TBC1D12: variants seen among roughly 807,000 people sequenced by gnomAD.
TBC1D12 encodes TBC1 domain family, member 12.
In TBC1D12, 56 loss-of-function variants were observed where a neutral mutation model predicts 86.7. The observed-to-expected ratio is 0.65, with a 90% confidence interval of 0.52 to 0.81. TBC1D12 has a LOEUF of 0.81. TBC1D12 is among the 30% of genes least tolerant of loss of function. The pLI is 0.00. For synonymous variants in TBC1D12, 421 were observed against 411.7 expected (o/e 1.02, Z -0.27); for missense variants, 1,023 against 1,038.8 (o/e 0.98, Z 0.21).
At chr10:94,506,902 C>G (rs2056467015) in intron 6 of TBC1D12, among the ~76,000 whole-genome samples, 1 of 152,112 alleles carries the variant, frequency 6.6e-6, no homozygotes. Flanking sequence ...TCCAGGGTAG[C>G]TAAATAACTT....
intron 9 of TBC1D12, among the ~76,000 whole-genome samples, chr10:94,513,179 G>A (rs1430701294): frequency 6.6e-6 from 1 of 151,622 alleles, no homozygotes; most frequent in Non-Finnish European, 1.5e-5. Flanking sequence ...TCTGGGAGGC[G>A]GAGGTTGCAG....
chr10:94,403,222 C>T lies in TBC1D12; in HGVS notation c.609C>T (p.Cys203=), dbSNP rs538454677. ...TTGAGGACCCGCTGCGGAGCTGCTG[C>T]CTGGTGGCCGCGGACGCCCAGGAGC... ...SPLEDPLRSC[C]LVAADAQEPE... The change falls in exon 1 of 13, where the codon TGC becomes TGT. Residue 203 remains cysteine, a synonymous_variant. Coordinates refer to ENST00000225235, the MANE Select transcript of TBC1D12 (RefSeq NM_015188.2). 2.3e-3 allele frequency: 3,405 copies of T among 1,507,362 alleles called. 89 individuals are homozygous for T. The highest frequency in any genetic ancestry group is 1.8e-3 in the East Asian group (62 of 35,176). The allele number at this position is 1,507,362 out of a possible 1,614,324, so 93.4% of individuals were successfully genotyped here. A position where few individuals can be genotyped will look rare whatever the true frequency, so the allele number is the denominator to read the frequency against.
At chr10:94,422,254 A>G (rs1438317497) in intron 1 of TBC1D12, among the ~76,000 whole-genome samples, 1 of 136,732 alleles carries the variant, frequency 7.3e-6, no homozygotes, top group African/African-American at 2.8e-5. Flanking sequence ...CAGTGTCGCG[A>G]TCTCAGCTAA....
At chr10:94,458,872 T>C (rs2055673064) in intron 2 of TBC1D12, among the ~76,000 whole-genome samples, 1 of 152,144 alleles carries the variant, frequency 6.6e-6, no homozygotes, top group African/African-American at 2.4e-5. Flanking sequence ...CTGCAGACCT[T>C]TGCAGTGAGT....
rs774811733 is a variant in TBC1D12 at position 94,530,080 on chromosome 10, T to C, written c.2001-1122T>C. ...ATAAGTGGCAGTGCAAAAGGATTTT[T>C]TTAAAAATTATTTTGGCGAGGAAGC... is the stretch of plus-strand genomic sequence containing the variant. On this transcript the variant is annotated intron_variant, in intron 11 of 12. Coordinates refer to ENST00000225235, the MANE Select transcript of TBC1D12 (RefSeq NM_015188.2). Among the ~76,000 whole-genome samples the C allele has an allele frequency of 2.0e-4, 30 of 152,220 alleles. 1 individual carries two copies. Among genetic ancestry groups the C allele is most frequent in the Admixed American group, 4.6e-4 (7 of 15,276 alleles).
intron 3 of TBC1D12, among the ~76,000 whole-genome samples, chr10:94,490,367 T>A (rs1376377577): frequency 6.6e-6 from 1 of 152,188 alleles, no homozygotes; most frequent in Non-Finnish European, 1.5e-5. Context: ...ACATTAGGGT[T>A]GCTACAAACC....
intron 11 of TBC1D12, among the ~76,000 whole-genome samples, chr10:94,526,690 A>G (rs189335504): frequency 6.6e-6 from 1 of 152,306 alleles, no homozygotes; most frequent in African/African-American, 2.4e-5. Context: ...GTGCTGCAGT[A>G]AACATGGGAG....
intron 3 of TBC1D12, among the ~76,000 whole-genome samples, chr10:94,479,575 A>T (rs17110082): frequency 0.03 from 4,496 of 152,188 alleles, 101 homozygotes; most frequent in South Asian, 0.045. Flanking sequence ...TTTTGGAGTT[A>T]ATAGTTGGTG....
At chr10:94,496,488 T>A (rs1425310363) in intron 4 of TBC1D12, among the ~76,000 whole-genome samples, 1 of 152,200 alleles carries the variant, frequency 6.6e-6, no homozygotes, top group Admixed American at 6.5e-5. Context: ...TGGAATGTCA[T>A]GTGAGTTATG....
intron 1 of TBC1D12, among the ~76,000 whole-genome samples, chr10:94,405,695 C>T (rs2054843810): frequency 6.6e-6 from 1 of 152,122 alleles, no homozygotes; most frequent in Non-Finnish European, 1.5e-5. Flanking sequence ...TTGCTCTCTG[C>T]CATGCATTGT....
At chr10:94,458,474 T>A (rs2055662511) in intron 2 of TBC1D12, among the ~76,000 whole-genome samples, 1 of 152,194 alleles carries the variant, frequency 6.6e-6, no homozygotes, top group Non-Finnish European at 1.5e-5. Flanking sequence ...ACTTTTTTTC[T>A]GTTAGATCAA....
At chr10:94,408,518 T>C (rs1408133470) in intron 1 of TBC1D12, among the ~76,000 whole-genome samples, 1 of 152,142 alleles carries the variant, frequency 6.6e-6, no homozygotes, top group Non-Finnish European at 1.5e-5. Context: ...TTATTAAATA[T>C]GACATGGAAA....
chr10:94,486,400 A>C (rs1465899836), intron 3 of TBC1D12, among the ~76,000 whole-genome samples: 1 of 148,272 alleles, frequency 6.7e-6, no homozygotes, highest in African/African-American at 2.5e-5. Context: ...TAGGTTGCTT[A>C]TTTGAAGTTT....
chr10:94,531,192 C>CT lies in TBC1D12; in HGVS notation c.2001-9dup. The CT allele has an allele frequency of 8.8e-6, 14 of 1,594,166 alleles. No individual in the cohort carries two copies. Among genetic ancestry groups the CT allele is most frequent in the Non-Finnish European group, 1.2e-5 (14 of 1,168,310 alleles). The stretch of plus-strand genomic sequence containing the variant: ...AAAATTTCAGTGACCATTTTTCCCT[C>CT]TAATTTTAGGATCTTCACACTATAT... On this transcript the variant is annotated splice_polypyrimidine_tract_variant and intron_variant, in intron 11 of 12. Coordinates refer to ENST00000225235, the MANE Select transcript of TBC1D12 (RefSeq NM_015188.2).
intron 1 of TBC1D12, among the ~76,000 whole-genome samples, chr10:94,413,297 T>A (rs2054951827): frequency 6.6e-6 from 1 of 152,244 alleles, no homozygotes; most frequent in Non-Finnish European, 1.5e-5. Flanking sequence ...AATCTTTTAT[T>A]TTCATTTTAT....
chr10:94,411,091 T>C (rs574206002), intron 1 of TBC1D12, among the ~76,000 whole-genome samples: 2 of 152,308 alleles, frequency 1.3e-5, no homozygotes, highest in East Asian at 3.9e-4. Context: ...CAACTCTAAA[T>C]TCCACCTTTA....
At chr10:94,485,271 C>G (rs1163653681) in intron 3 of TBC1D12, among the ~76,000 whole-genome samples, 5 of 151,850 alleles carry the variant, frequency 3.3e-5, no homozygotes, top group African/African-American at 1.2e-4. Context: ...TCCTTCTGTC[C>G]CCAGTGTTTT....
chr10:94,495,985 G>A (rs1381444666), intron 4 of TBC1D12, among the ~76,000 whole-genome samples: 2 of 151,866 alleles, frequency 1.3e-5, no homozygotes, highest in Non-Finnish European at 2.9e-5. Context: ...ACCCTGTAAT[G>A]CCAGCTACTG....
rs569863734 is a variant in TBC1D12 at position 94,403,176 on chromosome 10, C to G, written c.563C>G (p.Pro188Arg). The change falls in exon 1 of 13, where the codon CCG becomes CGG. Residue 188 changes from proline to arginine, a missense_variant. This residue lies in a region of TBC1D12 where 628 missense variants were observed against 531.1 expected (regional missense o/e 1.18). Coordinates refer to ENST00000225235, the MANE Select transcript of TBC1D12 (RefSeq NM_015188.2). ...GDEDADGAGS[P>R]SDWASPLEDP... ...GAGGACGCGGACGGCGCGGGAAGCC[C>G]GTCCGATTGGGCCTCTCCGCTTGAG... The G allele has an allele frequency of 1.0e-4, 147 of 1,466,550 alleles. No homozygotes were observed. Among genetic ancestry groups the G allele is most frequent in the Middle Eastern group, 2.3e-4 (1 of 4,258 alleles). 90.8% of individuals were successfully genotyped at this position (1,466,550 alleles called of 1,614,324 possible).
Sources: allele counts gnomAD v4.1 joint callset (sites outside exome capture counted in the v4.1 genomes callset), GRCh38; gene constraint gnomAD v4.1.1; regional missense constraint gnomAD v4.1.1; transcripts MANE v1.5; gene names NCBI Gene and HGNC (gene_info 2026-07-23, HGNC 2026-07-21).